Variants in KCTD14 observed in about 807,000 individuals in gnomAD.
KCTD14 encodes BTB/POZ domain-containing protein KCTD14.
KCTD14 carries 7 observed loss-of-function variants against 5.9 expected under a neutral mutation model. The observed-to-expected ratio is 1.19, with a 90% confidence interval of 0.68 to 2.23. KCTD14 has a LOEUF of 2.23. Ranked by LOEUF, KCTD14 falls within the 30% of genes most tolerant of loss-of-function variation. KCTD14 has a pLI of 0.00. For missense variants in KCTD14, 342 were observed against 332.2 expected, an observed-to-expected ratio of 1.03 and a Z score of -0.23; for synonymous variants, 140 against 133.1, an observed-to-expected ratio of 1.05 and a Z score of -0.36.
At chr11:78,038,526 G>T in intron 2 of KCTD14, 2 of 975,140 alleles carry the variant, frequency 2.1e-6, no homozygotes, top group Non-Finnish European at 3.0e-6. Flanking sequence ...GGAATCAACC[G>T]CACCCCATCT....
At chr11:78,038,797 T>C in intron 1 of KCTD14, 1 of 1,535,134 alleles carries the variant, frequency 6.5e-7, no homozygotes, top group Non-Finnish European at 8.7e-7. Flanking sequence ...ACTATCAGTG[T>C]TCACAAAGGA....
In KCTD14 at chr11:78,017,036, C is replaced by G; in HGVS notation, c.325G>C (p.Glu109Gln). 6.2e-7 allele frequency: 1 copy of G among 1,614,254 alleles called. No homozygotes were observed. Among genetic ancestry groups the G allele is most frequent in the Non-Finnish European group, 8.5e-7 (1 of 1,180,056 alleles). The change falls in exon 2 of 2, where the codon GAG becomes CAG. Residue 109 changes from glutamate to glutamine, a missense_variant. Glu to Gln is a conservative substitution (Grantham distance 29). Transcript: ENST00000353172. ...PTQHIPEVYR[E>Q]AQFYEIKPLV... ...GGCTTGATTTCGTAGAACTGAGCCT[C>G]ACGGTACACTTCAGGGATGTGCTGT...
chr11:78,018,871 A>G (rs1418294615), intron 1 of KCTD14, among the ~76,000 whole-genome samples: 1 of 152,122 alleles, frequency 6.6e-6, no homozygotes, highest in Non-Finnish European at 1.5e-5. Context: ...GAAACCATAC[A>G]TGTGTTCATT....
chr11:78,029,210 G>A (rs966792263), intron 2 of KCTD14, among the ~76,000 whole-genome samples: 2 of 150,250 alleles, frequency 1.3e-5, no homozygotes, highest in African/African-American at 4.9e-5. Context: ...AAAGAGAGAT[G>A]TATGAAAACA....
intron 2 of KCTD14, among the ~76,000 whole-genome samples, chr11:78,031,426 T>A (rs995593889): frequency 1.3e-5 from 2 of 152,178 alleles, no homozygotes; most frequent in African/African-American, 4.8e-5. Flanking sequence ...TTGCCCAGGC[T>A]GCAGTGCAGT....
intron 2 of KCTD14, among the ~76,000 whole-genome samples, chr11:78,034,508 A>G (rs1857731805): frequency 6.6e-6 from 1 of 150,636 alleles, no homozygotes; most frequent in South Asian, 2.1e-4. Context: ...TTTTCACCCA[A>G]ACACTCTGTA....
chr11:78,023,518 C>CT (rs113012783), upstream of KCTD14: 25,479 of 359,052 alleles, frequency 0.071, 1,082 homozygotes, highest in African/African-American at 0.23. Context: ...TTCTTTCTTT[C>CT]TTTTTTTTTT....
chr11:78,037,255 G>A (rs953543895), intron 2 of KCTD14, among the ~76,000 whole-genome samples: 2 of 152,188 alleles, frequency 1.3e-5, no homozygotes, highest in African/African-American at 2.4e-5. Flanking sequence ...GTGGGCACAC[G>A]CCCTCCCAGC....
intron 2 of KCTD14, among the ~76,000 whole-genome samples, chr11:78,030,747 T>C (rs777429637): frequency 6.6e-6 from 1 of 152,148 alleles, no homozygotes; most frequent in Admixed American, 6.5e-5. Flanking sequence ...AGAAGGCTGC[T>C]TGTGGCAGAG....
intron 2 of KCTD14, among the ~76,000 whole-genome samples, chr11:78,037,735 C>T (rs558745169): frequency 6.6e-5 from 10 of 152,208 alleles, no homozygotes; most frequent in Admixed American, 1.3e-4. Flanking sequence ...ACGACAATCG[C>T]TTGAACCCGG....
chr11:78,016,688 C>G lies in KCTD14; in HGVS notation c.673G>C (p.Gly225Arg), dbSNP rs1313163076. The change falls in exon 2 of 2, where the codon GGG becomes CGG. Residue 225 changes from glycine to arginine, a missense_variant. Physicochemically the swap from Gly to Arg is moderately radical, Grantham distance 125 (BLOSUM62 -2). Transcript: ENST00000353172. ...HCLEMDIKAQ[G>R]YKVFSKFYLT... ...TAGAACTTGGAGAATACCTTGTACCCCTGGGCCTTAATGTCCATCTCCAGG... is the reference window on the plus strand; with the variant it reads ...TAGAACTTGGAGAATACCTTGTACCGCTGGGCCTTAATGTCCATCTCCAGG... 4 of 1,614,168 alleles carry G rather than the reference C, an allele frequency of 2.5e-6. No homozygotes were observed.
chr11:78,029,266 C>T (rs964713299), intron 2 of KCTD14, among the ~76,000 whole-genome samples: 2 of 151,788 alleles, frequency 1.3e-5, no homozygotes, highest in East Asian at 1.9e-4. Context: ...GTCGCTGACA[C>T]GCCCAGATAA....
At chr11:78,021,338 C>T (rs1013620931) in intron 1 of KCTD14, among the ~76,000 whole-genome samples, 1 of 147,188 alleles carries the variant, frequency 6.8e-6, no homozygotes, top group Non-Finnish European at 1.5e-5. Flanking sequence ...AAGTTTCCTG[C>T]ACTGACATCT....
At chr11:78,031,639 C>T (rs1052064743) in intron 2 of KCTD14, among the ~76,000 whole-genome samples, 4 of 152,014 alleles carry the variant, frequency 2.6e-5, no homozygotes, top group African/African-American at 4.8e-5. Flanking sequence ...CTGCCCACCT[C>T]GGCCTCTCAA....
intron 2 of KCTD14, among the ~76,000 whole-genome samples, chr11:78,037,256 C>A (rs984946367): frequency 9.2e-5 from 14 of 152,370 alleles, no homozygotes; most frequent in African/African-American, 2.9e-4. Flanking sequence ...TGGGCACACG[C>A]CCTCCCAGCC....
rs1448446079 is a variant in KCTD14 at position 78,017,070 on chromosome 11, T to C, written c.291A>G (p.Gln97=). 2 of 1,614,224 alleles carry C rather than the reference T, an allele frequency of 1.2e-6. No individual in the cohort carries two copies. Among genetic ancestry groups the C allele is most frequent in the Non-Finnish European group, 1.7e-6 (2 of 1,180,034 alleles). Residue 97 remains glutamine, a synonymous_variant, in exon 2 of 2, where the codon CAA becomes CAG. Coordinates refer to ENST00000353172, the MANE Select transcript of KCTD14 (RefSeq NM_023930.4). ...CTTCAGGGATGTGCTGTGTGGGCAC[T>C]TGCCCAGTGCGCAGGTAGTCCAGGA... ...RPILDYLRTG[Q]VPTQHIPEVY...
At chr11:78,046,069 A>C (rs1858131495) in exon 1 of KCTD14, 4 of 984,062 alleles carry the variant, frequency 4.1e-6, no homozygotes, top group African/African-American at 1.7e-5. Context: ...ACCTGACAGT[A>C]AACCGGGGAG....
At chr11:78,031,232 G>A (rs1591186920) in intron 2 of KCTD14, among the ~76,000 whole-genome samples, 1 of 151,514 alleles carries the variant, frequency 6.6e-6, no homozygotes, top group Non-Finnish European at 1.5e-5. Flanking sequence ...CTTTTTTGTA[G>A]AGATGGTGTC....
intron 2 of KCTD14, among the ~76,000 whole-genome samples, chr11:78,028,602 CA>C (rs56160318): frequency 0.53 from 55,596 of 105,238 alleles, 12,146 homozygotes; most frequent in African/African-American, 0.64. Context: ...GTGTCCATCT[CA>C]AAAAAAAAAA....
Sources: gnomAD v4.1 joint callset for allele counts (sites outside exome capture counted in the v4.1 genomes callset) on GRCh38, gnomAD v4.1.1 for gene constraint, MANE v1.5 for transcripts, NCBI Gene and HGNC (gene_info 2026-07-23, HGNC 2026-07-21) for gene names.